RBPJ: variants seen among roughly 807,000 people sequenced by gnomAD.
The protein encoded by RBPJ is recombining binding protein suppressor of hairless.
In RBPJ, 9 loss-of-function variants were observed where a neutral mutation model predicts 67.8. The observed-to-expected ratio is 0.13, with a 90% CI of 0.08 to 0.23. The LOEUF (loss-of-function observed/expected upper bound fraction) is 0.23, where lower values mean the gene tolerates loss of function less well. Among genes scored for constraint, RBPJ ranks in the 10% least tolerant of loss-of-function variants. The pLI, the probability that RBPJ is intolerant of heterozygous loss-of-function variation, is 1.00. For synonymous variants in RBPJ, 198 were observed against 203.3 expected, an observed-to-expected ratio of 0.97 and a Z score of 0.22; for missense variants, 305 against 595.6, an observed-to-expected ratio of 0.51 and a Z score of 5.08.
chr4:26,143,569 T>C, the RBPJ span, among the ~76,000 whole-genome samples: 1 of 152,252 alleles, frequency 6.6e-6, no homozygotes, highest in Non-Finnish European at 1.5e-5. Context: ...GACTAAAAGA[T>C]TGTTATTTTT....
rs1029972256 is a variant in RBPJ at position 26,339,431 on chromosome 4, C to T, written c.20+18383C>T. Among the ~76,000 whole-genome samples the T allele has an allele frequency of 2.6e-5, 4 of 151,688 alleles. 1 individual carries two copies. The highest frequency in any genetic ancestry group is 1.3e-4 in the Admixed American group (2 of 15,240). ...AGCTGATCACTTGCGGTCAGGAGTT[C>T]GAGACTAGCCTGGCCGACATGGTGA... On this transcript the variant is annotated intron_variant, in intron 1 of 10. Coordinates refer to ENST00000355476, the MANE Select transcript of RBPJ (RefSeq NM_015874.6).
intron 1 of RBPJ, among the ~76,000 whole-genome samples, chr4:26,270,377 G>GAAAGAAAGAAAGAAAGAAAGAA (rs1560237695): frequency 4.5e-5 from 2 of 44,142 alleles, no homozygotes; most frequent in Non-Finnish European, 1.0e-4. Flanking sequence ...AAGAAAGAAA[G>GAAAGAAAGAAAGAAAGAAAGAA]AAAGAAAGAA....
Position 26,272,378 on chromosome 4 carries a change from C to T in RBPJ, c.-166-90068C>T, listed in dbSNP as rs1439120377. 7.2e-5 allele frequency among the ~76,000 whole-genome samples: 11 copies of T among 152,118 alleles called. No homozygotes were observed. The East Asian group carries it at 2.1e-3, about 29-fold the overall frequency. ...GCTGGGAGTTGGAGACCAGCCTGGGCAATGTAGTGAGACTCCATCTGTACA... is the reference window on the plus strand; with the variant it reads ...GCTGGGAGTTGGAGACCAGCCTGGGTAATGTAGTGAGACTCCATCTGTACA... On this transcript the variant is annotated intron_variant, in intron 1 of 4. Transcript: ENST00000512351.
intron 1 of RBPJ, among the ~76,000 whole-genome samples, chr4:26,356,873 T>C (rs1727443434): frequency 6.6e-6 from 1 of 152,248 alleles, no homozygotes; most frequent in Non-Finnish European, 1.5e-5. Flanking sequence ...TACTGCCAAG[T>C]TGTTCTTATG....
chr4:26,144,817 A>C, the RBPJ span, among the ~76,000 whole-genome samples: 3 of 152,150 alleles, frequency 2.0e-5, no homozygotes, highest in Non-Finnish European at 2.9e-5. Flanking sequence ...GGGAAGCCTG[A>C]CTTTGATTCC....
chr4:26,256,239 C>T (rs1720340063), intron 1 of RBPJ, among the ~76,000 whole-genome samples: 1 of 151,970 alleles, frequency 6.6e-6, no homozygotes, highest in Admixed American at 6.6e-5. Context: ...AGCCACAGCC[C>T]CACCCTGCCT....
chr4:26,358,792 A>G (rs1427703904), intron 1 of RBPJ, among the ~76,000 whole-genome samples: 1 of 152,026 alleles, frequency 6.6e-6, no homozygotes, highest in Non-Finnish European at 1.5e-5. Context: ...CTTAAAAAAA[A>G]AAAAAAGTCC....
At chr4:26,351,948 G>A (rs1174794156) in intron 1 of RBPJ, among the ~76,000 whole-genome samples, 1 of 152,166 alleles carries the variant, frequency 6.6e-6, no homozygotes, top group African/African-American at 2.4e-5. Context: ...GCTGCTTTGG[G>A]TCGGGGGGAG....
intron 1 of RBPJ, among the ~76,000 whole-genome samples, chr4:26,374,347 A>G (rs894469220): frequency 1.4e-4 from 22 of 152,224 alleles, no homozygotes; most frequent in Admixed American, 1.1e-3. Flanking sequence ...AAGGTAATGA[A>G]AGAAAGTTTC....
chr4:26,130,264 G>C, the RBPJ span, among the ~76,000 whole-genome samples: 1 of 152,182 alleles, frequency 6.6e-6, no homozygotes, highest in Admixed American at 6.5e-5. Flanking sequence ...CCAGCACATA[G>C]TTCACCTCGA....
intron 1 of RBPJ, among the ~76,000 whole-genome samples, chr4:26,220,072 C>T (rs915630325): frequency 3.3e-5 from 5 of 152,112 alleles, no homozygotes; most frequent in Non-Finnish European, 7.4e-5. Context: ...CGTGAGCCAC[C>T]CTGCCCAGCC....
intron 1 of RBPJ, among the ~76,000 whole-genome samples, chr4:26,219,107 G>A (rs1181363315): frequency 1.3e-5 from 2 of 151,904 alleles, no homozygotes; most frequent in Admixed American, 1.3e-4. Flanking sequence ...AAATTTAGAA[G>A]AAAAAAAATG....
chr4:26,199,430 G>A (rs1378643123), intron 1 of RBPJ, among the ~76,000 whole-genome samples: 1 of 152,162 alleles, frequency 6.6e-6, no homozygotes, highest in African/African-American at 2.4e-5. Context: ...AGTTAACTGC[G>A]AGATAACAAG....
At chr4:26,319,146 C>T (rs1009526864), upstream of RBPJ, among the ~76,000 whole-genome samples, 4 of 152,102 alleles carry the variant, frequency 2.6e-5, no homozygotes, top group East Asian at 7.7e-4. Context: ...TCTGTCAGCT[C>T]CCGGAGGCGG....
chr4:26,321,091 C>A, intron 1 of RBPJ, 43 bp downstream of exon 1: 1 of 1,501,670 alleles, frequency 6.7e-7, no homozygotes, highest in Non-Finnish European at 9.2e-7. Flanking sequence ...GGGAAAGTTG[C>A]GGGCGTCTGG....
chr4:26,238,825 C>G (rs1192382721), intron 1 of RBPJ, among the ~76,000 whole-genome samples: 1 of 152,102 alleles, frequency 6.6e-6, no homozygotes, highest in African/African-American at 2.4e-5. Context: ...AGGGTTTACA[C>G]AGTCAGGACA....
At chr4:26,276,553 T>C (rs1721093938) in intron 1 of RBPJ, among the ~76,000 whole-genome samples, 1 of 152,224 alleles carries the variant, frequency 6.6e-6, no homozygotes, top group Admixed American at 6.5e-5. Flanking sequence ...AAATCTAACA[T>C]GGCCTTGGGC....
At chr4:26,398,801 A>G (rs1732442336) in intron 2 of RBPJ, among the ~76,000 whole-genome samples, 1 of 151,490 alleles carries the variant, frequency 6.6e-6, no homozygotes, top group Non-Finnish European at 1.5e-5. Context: ...TTTAGTAGAG[A>G]TGGGGTTTCT....
rs567066252 is a variant in RBPJ, at chr4:26,369,996, C to T, written c.21-16357C>T. ...ATTGCTTTTGAGTCAGCGAACTGGG[C>T]AGGTCAAGTGAGAAGTTATCTGACC... On this transcript the variant is annotated intron_variant, in intron 1 of 10. Coordinates refer to ENST00000355476, the MANE Select transcript of RBPJ (RefSeq NM_015874.6). Among the ~76,000 whole-genome samples, 13 of 152,244 alleles carry T rather than the reference C, an allele frequency of 8.5e-5. No individual in the cohort carries two copies. In the South Asian group the frequency reaches 2.5e-3, roughly 29 times the overall value.
Sources: gnomAD v4.1 joint callset for allele counts (sites outside exome capture counted in the v4.1 genomes callset) on GRCh38, gnomAD v4.1.1 for gene constraint, MANE v1.5 for transcripts, NCBI Gene and HGNC (gene_info 2026-07-23, HGNC 2026-07-21) for gene names.